NUP62: variants seen among roughly 807,000 people sequenced by gnomAD.
NUP62 encodes nuclear pore glycoprotein p62.
For synonymous variants in NUP62, 305 were observed against 303.4 expected, an observed-to-expected ratio of 1.01 and a Z score of -0.05; for missense variants, 647 against 689.4, an observed-to-expected ratio of 0.94 and a Z score of 0.69.
rs1176438558 is a variant in NUP62 at position 49,909,228 on chromosome 19, T to C, written c.580A>G (p.Thr194Ala). 10 of 1,614,042 alleles carry C rather than the reference T, an allele frequency of 6.2e-6. No individual in the cohort carries two copies. Among genetic ancestry groups the C allele is most frequent in the Non-Finnish European group, 8.5e-6 (10 of 1,180,006 alleles). ...APATLPFTPA[T>A]PAATTAGATQ... ...GCACCTGCTGTGGTGGCTGCTGGCG[T>C]GGCCGGAGTGAAGGGCAACGTGGCA... Residue 194 changes from threonine (T) to alanine (A), a missense_variant, in exon 3 of 3, where the codon ACG becomes GCG. Physicochemically the swap from Thr to Ala is moderately conservative, Grantham distance 58. Coordinates refer to ENST00000352066, the MANE Select transcript of NUP62 (RefSeq NM_016553.5).
chr19:49,915,157 T>TG (rs1189134926), intron 2 of NUP62, among the ~76,000 whole-genome samples: 7 of 151,970 alleles, frequency 4.6e-5, no homozygotes, highest in East Asian at 3.9e-4. Flanking sequence ...GCTATGTGTG[T>TG]GGGGGGGTAG....
rs2075369109 is a variant in NUP62, at chr19:49,908,316, T to C, written c.1492A>G (p.Lys498Glu). ...CACACCTTGGTCACCTCCTCCACCT[T>C]CCTCTGCAGCAGGGCCGAGTTCTGG... ...IDQNSALLQR[K>E]VEEVTKVCEG... is the part of the protein sequence containing the mutation. The change falls in exon 3 of 3, where the codon AAG becomes GAG. Residue 498 changes from lysine (K) to glutamate (E), a missense_variant. Physicochemically the swap from Lys to Glu is moderately conservative, Grantham distance 56. Transcript: ENST00000352066. The C allele has an allele frequency of 6.2e-7, 1 of 1,613,874 alleles. No individual in the cohort carries two copies. Among genetic ancestry groups the C allele is most frequent in the Admixed American group, 1.7e-5 (1 of 59,990 alleles).
In NUP62 at chr19:49,925,590, G is replaced by A. The variant is rs778964760; in HGVS notation, c.-78+2104C>T. 1.3e-4 allele frequency among the ~76,000 whole-genome samples: 20 copies of A among 152,186 alleles called. 1 individual carries two copies. Among genetic ancestry groups the A allele is most frequent in the African/African-American group, 2.4e-5 (1 of 41,450 alleles). ...AAACTGTCAAGGTCATGAAGGACAA[G>A]GAAAGTCTAAAACCAGTCACAGGCC... On this transcript the variant is annotated intron_variant, in intron 2 of 2. Transcript: ENST00000352066.
intron 2 of NUP62, chr19:49,911,390 A>C (rs1051305046): frequency 3.3e-5 from 5 of 152,244 alleles, no homozygotes; most frequent in African/African-American, 1.2e-4. Flanking sequence ...ACAAAAGAAT[A>C]ATCAAAGTCA....
At position 49,909,432 on chromosome 19, in the gene NUP62, A is replaced by G; in HGVS notation, c.376T>C (p.Ser126Pro). ...CCCTGGCTGGAGGTGACGGTGCTCGATATGGCATTAGTGAGGTTGCTGCTG... is the reference window on the plus strand; with the variant it reads ...CCCTGGCTGGAGGTGACGGTGCTCGGTATGGCATTAGTGAGGTTGCTGCTG... ...LGSSNLTNAISSTVTSSQGTA... is the reference protein window; with the variant it reads ...LGSSNLTNAIPSTVTSSQGTA... The change falls in exon 3 of 3, where the codon TCG becomes CCG. Residue 126 changes from serine to proline, a missense_variant. By Grantham distance (74) the Ser-to-Pro change is moderately conservative. Transcript: ENST00000352066. 1.2e-6 allele frequency: 2 copies of G among 1,613,938 alleles called. No homozygotes were observed. The highest frequency in any genetic ancestry group is 1.7e-6 in the Non-Finnish European group (2 of 1,180,014).
Position 49,908,831 on chromosome 19 carries a change from G to C in NUP62, c.977C>G (p.Ser326Cys). 1 of 1,612,978 alleles carries C rather than the reference G, an allele frequency of 6.2e-7. No individual in the cohort carries two copies. Among genetic ancestry groups the C allele is most frequent in the Non-Finnish European group, 8.5e-7 (1 of 1,179,992 alleles). The change falls in exon 3 of 3, where the codon TCC becomes TGC. Residue 326 changes from serine to cysteine, a missense_variant. Physicochemically the swap from Ser to Cys is moderately radical, Grantham distance 112 (BLOSUM62 -1). Transcript: ENST00000352066. ...PGAAAGAAAS[S>C]AMTYAQLESL... ...CTCCAGCTGCGCGTAGGTCATGGCG[G>C]AGCTGGCAGCCGCCCCTGCAGCTGC...
rs757187525 is a variant in NUP62, at chr19:49,909,005, G to T, written c.803C>A (p.Ser268Tyr). The change falls in exon 3 of 3, where the codon TCC becomes TAC. Residue 268 changes from serine (S) to tyrosine (Y), a missense_variant. By Grantham distance (144) the Ser-to-Tyr change is moderately radical. Coordinates refer to ENST00000352066, the MANE Select transcript of NUP62 (RefSeq NM_016553.5). ...GGTGGCAGCGGTGGATGTTGTTGTG[G>T]AGGTGCCGGAAGCTGCTCCAGGTGC... The part of the protein sequence containing the change: ...LKAPGAASGT[S>Y]TTTSTAATAT... 1 of 1,612,358 alleles carries T rather than the reference G, an allele frequency of 6.2e-7. No homozygotes were observed. The highest frequency in any genetic ancestry group is 8.5e-7 in the Non-Finnish European group (1 of 1,179,280).
Position 49,914,726 on chromosome 19 carries a change from G to GTTTTTTTTTTTTTTT in NUP62, c.-77-4857_-77-4843dup, listed in dbSNP as rs530372497. Reference sequence around the variant, plus strand: ...GATTCTTGTGCCACTCCAAGTCCCAGTTTTTTTTTTTTTTTTTTTTTTTTT... The same window carrying GTTTTTTTTTTTTTTT: ...GATTCTTGTGCCACTCCAAGTCCCAGTTTTTTTTTTTTTTTTTTTTTTTTTTTTTTTTTTTTTTTT... On this transcript the variant is annotated intron_variant, in intron 2 of 2. Transcript: ENST00000352066. Among the ~76,000 whole-genome samples the GTTTTTTTTTTTTTTT allele has an allele frequency of 3.0e-4, 17 of 56,404 alleles. 4 individuals are homozygous for GTTTTTTTTTTTTTTT. Among genetic ancestry groups the GTTTTTTTTTTTTTTT allele is most frequent in the Admixed American group, 5.6e-4 (2 of 3,586 alleles). The allele number at this position is 56,404 out of a possible 152,430, so 37.0% of individuals were successfully genotyped here. A position where few individuals can be genotyped will look rare whatever the true frequency, so the allele number is the denominator to read the frequency against.
At position 49,908,610 on chromosome 19, in the gene NUP62, G is replaced by T. The variant is rs1415955005; in HGVS notation, c.1198C>A (p.Gln400Lys). ...CTCAGCAGGTCTTCCAGCTCCTTCT[G>T]CTGGGACAGGATGAAGTCGAGCTCC... ...DQELDFILSQQKELEDLLSPL... is the reference protein window; with the variant it reads ...DQELDFILSQKKELEDLLSPL... The change falls in exon 3 of 3, where the codon CAG becomes AAG. Residue 400 changes from glutamine (Q) to lysine (K), a missense_variant. Coordinates refer to ENST00000352066, the MANE Select transcript of NUP62 (RefSeq NM_016553.5). 6.2e-7 allele frequency: 1 copy of T among 1,613,698 alleles called. No individual in the cohort carries two copies. The highest frequency in any genetic ancestry group is 1.3e-5 in the African/African-American group (1 of 74,932).
At chr19:49,912,451 G>A (rs2075494204) in intron 2 of NUP62, among the ~76,000 whole-genome samples, 1 of 152,118 alleles carries the variant, frequency 6.6e-6, no homozygotes, top group Admixed American at 6.5e-5. Context: ...TTACAGGCAT[G>A]AGCCACTGCG....
chr19:49,927,339 A>C (rs2075922631), intron 2 of NUP62, among the ~76,000 whole-genome samples: 1 of 152,160 alleles, frequency 6.6e-6, no homozygotes, highest in Non-Finnish European at 1.5e-5. Context: ...GGCCACATTG[A>C]AGAATTGTCT....
At chr19:49,927,018 C>T (rs576438217) in intron 2 of NUP62, among the ~76,000 whole-genome samples, 2 of 152,078 alleles carry the variant, frequency 1.3e-5, no homozygotes, top group South Asian at 4.2e-4. Context: ...AACCACCACA[C>T]CCGACTATTT....
At chr19:49,924,450 G>A (rs1039003503) in intron 2 of NUP62, among the ~76,000 whole-genome samples, 15 of 152,110 alleles carry the variant, frequency 9.9e-5, no homozygotes, top group African/African-American at 3.1e-4. Flanking sequence ...GAGAATCCCC[G>A]AACTCCCCGT....
intron 2 of NUP62, among the ~76,000 whole-genome samples, chr19:49,915,973 C>T (rs1024575279): frequency 1.2e-4 from 19 of 152,360 alleles, no homozygotes; most frequent in Admixed American, 9.8e-4. Flanking sequence ...CTGCTGTATT[C>T]GCAGCACCTG....
chr19:49,907,500 C>T lies in NUP62; in HGVS notation c.*739G>A, dbSNP rs1027356302. 11 of 440,640 alleles carry T rather than the reference C, an allele frequency of 2.5e-5. No individual in the cohort carries two copies. Among genetic ancestry groups the T allele is most frequent in the Non-Finnish European group, 4.5e-5 (10 of 223,282 alleles). The allele number at this position is 440,640 out of a possible 1,614,324, so 27.3% of individuals were successfully genotyped here. ...TGGTTAGCTTTCACAAGCACAAGCT[C>T]ACACTCGAAAACTAGGCTGCTGTCT... On this transcript the variant is annotated 3_prime_UTR_variant, in exon 3 of 3. Coordinates refer to ENST00000352066, the MANE Select transcript of NUP62 (RefSeq NM_016553.5).
intron 2 of NUP62, among the ~76,000 whole-genome samples, chr19:49,913,458 G>A (rs372798354): frequency 3.7e-4 from 56 of 152,286 alleles, no homozygotes; most frequent in African/African-American, 1.2e-3. Context: ...GTATCAGCAC[G>A]ACCTCTGGAG....
chr19:49,920,635 G>A (rs970191947), intron 2 of NUP62, among the ~76,000 whole-genome samples: 2 of 152,202 alleles, frequency 1.3e-5, no homozygotes, highest in African/African-American at 4.8e-5. Context: ...TTACCCCGAG[G>A]GCAACGGCTC....
chr19:49,925,202 G>A (rs536242134), intron 2 of NUP62, among the ~76,000 whole-genome samples: 11 of 152,070 alleles, frequency 7.2e-5, no homozygotes, highest in African/African-American at 1.4e-4. Context: ...CAGAGGTTGC[G>A]GTGAGCCGAG....
chr19:49,908,811 G>A lies in NUP62; in HGVS notation c.997C>T (p.Leu333=). 1 of 1,613,550 alleles carries A rather than the reference G, an allele frequency of 6.2e-7. No homozygotes were observed. Among genetic ancestry groups the A allele is most frequent in the Non-Finnish European group, 8.5e-7 (1 of 1,180,052 alleles). The change falls in exon 3 of 3, where the codon CTG becomes TTG. Residue 333 remains leucine (L), a synonymous_variant. Coordinates refer to ENST00000352066, the MANE Select transcript of NUP62 (RefSeq NM_016553.5). ...AASSAMTYAQ[L]ESLINKWSLE... ...CTCCATTTGTTGATCAGGCTCTCCA[G>A]CTGCGCGTAGGTCATGGCGGAGCTG...
Sources: gnomAD v4.1 joint callset for allele counts (sites outside exome capture counted in the v4.1 genomes callset) on GRCh38, gnomAD v4.1.1 for gene constraint, MANE v1.5 for transcripts, NCBI Gene and HGNC (gene_info 2026-07-23, HGNC 2026-07-21) for gene names.